Variants in KAZN observed in about 807,000 individuals in gnomAD.
The protein encoded by KAZN is kazrin.
A neutral mutation model predicts 87.4 loss-of-function variants in KAZN; 40 were observed. That is an observed-to-expected ratio of 0.46 (90% CI 0.36 to 0.60). The LOEUF (loss-of-function observed/expected upper bound fraction) is 0.60. KAZN is among the 20% of genes least tolerant of loss of function. The pLI, the probability that KAZN is intolerant of heterozygous loss-of-function variation, is 0.00. For synonymous variants in KAZN, 466 were observed against 458.3 expected (o/e 1.02, Z -0.22); for missense variants, 898 against 1,073.9 (o/e 0.84, Z 2.29).
chr1:14,694,095 T>C lies in KAZN; in HGVS notation c.226+94872T>C, dbSNP rs371496527. 7.9e-5 allele frequency among the ~76,000 whole-genome samples: 12 copies of C among 152,338 alleles called. No homozygotes were observed. In the East Asian group the frequency reaches 1.4e-3, roughly 17 times the overall value. On this transcript the variant is annotated intron_variant, in intron 1 of 14. Transcript: ENST00000376030. ...CAATCCTGTTAAGCTGTGGGGCCGTTGTTTATCGGACTCCCTCCAAAAGCA... is the reference window on the plus strand; with the variant it reads ...CAATCCTGTTAAGCTGTGGGGCCGTCGTTTATCGGACTCCCTCCAAAAGCA...
intron 1 of KAZN, among the ~76,000 whole-genome samples, chr1:13,945,457 G>A (rs1330830095): frequency 7.6e-6 from 1 of 132,390 alleles, no homozygotes; most frequent in Non-Finnish European, 1.5e-5. Context: ...CTGGGCAACA[G>A]AGGGAGAGTC....
intron 2 of KAZN, among the ~76,000 whole-genome samples, chr1:14,970,602 C>G (rs1025266992): frequency 6.6e-6 from 1 of 152,238 alleles, no homozygotes; most frequent in Non-Finnish European, 1.5e-5. Flanking sequence ...GCACAGGCAG[C>G]CAGGACGGCG....
intron 2 of KAZN, among the ~76,000 whole-genome samples, chr1:14,382,979 T>C (rs931498283): frequency 6.7e-6 from 1 of 149,998 alleles, no homozygotes; most frequent in Non-Finnish European, 1.5e-5. Flanking sequence ...CTCCAGCACC[T>C]GTTGTTTCCT....
intron 1 of KAZN, among the ~76,000 whole-genome samples, chr1:14,044,547 A>C (rs1331953200): frequency 6.6e-6 from 1 of 152,198 alleles, no homozygotes; most frequent in East Asian, 1.9e-4. Flanking sequence ...GCTAAGAAGA[A>C]TGACTAGCAT....
intron 2 of KAZN, among the ~76,000 whole-genome samples, chr1:14,349,607 CTTTG>C (rs1214701245): frequency 6.6e-6 from 1 of 152,120 alleles, no homozygotes; most frequent in Non-Finnish European, 1.5e-5. Context: ...ACTGAGCCCA[CTTTG>C]TTTGTTAATT....
At chr1:14,534,600 GCAC>G (rs1672384200) in intron 2 of KAZN, among the ~76,000 whole-genome samples, 1 of 151,982 alleles carries the variant, frequency 6.6e-6, no homozygotes, top group African/African-American at 2.4e-5. Context: ...AGCCGAGATC[GCAC>G]CACTGCACTC....
At chr1:14,336,990 C>G (rs908891006) in intron 2 of KAZN, among the ~76,000 whole-genome samples, 6 of 152,146 alleles carry the variant, frequency 3.9e-5, no homozygotes, top group African/African-American at 1.2e-4. Flanking sequence ...TCTGGACAGA[C>G]TACAAATACT....
rs78872350 is a variant in KAZN, at chr1:14,974,934, A to C, written c.418+14059A>C. Reference sequence around the variant, plus strand: ...AAATATGTACAGTTCATTGTATTTTATTTAAAACCAATAAAGCTGTTTTTA... The same window carrying C: ...AAATATGTACAGTTCATTGTATTTTCTTTAAAACCAATAAAGCTGTTTTTA... On this transcript the variant is annotated intron_variant, in intron 2 of 14. Transcript: ENST00000376030. 4.3e-3 allele frequency among the ~76,000 whole-genome samples: 658 copies of C among 152,344 alleles called. 2 individuals are homozygous for C. Among genetic ancestry groups the C allele is most frequent in the African/African-American group, 0.015 (633 of 41,568 alleles).
At chr1:13,916,937 G>GCTC (rs1173142787) in intron 1 of KAZN, among the ~76,000 whole-genome samples, 2 of 152,190 alleles carry the variant, frequency 1.3e-5, no homozygotes, top group African/African-American at 4.8e-5. Flanking sequence ...TACACATGTG[G>GCTC]AGGAGGCTGG....
intron 8 of KAZN, among the ~76,000 whole-genome samples, chr1:15,080,163 T>C (rs926717490): frequency 2.6e-5 from 4 of 152,062 alleles, no homozygotes; most frequent in African/African-American, 9.7e-5. Flanking sequence ...GGGTGGCTGG[T>C]CATGGGAAAA....
At chr1:14,651,602 G>T (rs1638380016) in intron 1 of KAZN, among the ~76,000 whole-genome samples, 1 of 152,178 alleles carries the variant, frequency 6.6e-6, no homozygotes. Flanking sequence ...CAAAACCATT[G>T]ACTCAGTCTT....
chr1:13,914,401 G>C (rs551519247), intron 1 of KAZN, among the ~76,000 whole-genome samples: 1 of 152,350 alleles, frequency 6.6e-6, no homozygotes, highest in Admixed American at 6.5e-5. Context: ...GCACAGAACA[G>C]TACCTGGCTC....
chr1:14,457,409 AT>A (rs1356899540), intron 2 of KAZN, among the ~76,000 whole-genome samples: 1 of 152,180 alleles, frequency 6.6e-6, no homozygotes, highest in Non-Finnish European at 1.5e-5. Context: ...GTACATCTAT[AT>A]TCTATATGTA....
chr1:14,684,179 C>T (rs1436442281), intron 1 of KAZN, among the ~76,000 whole-genome samples: 1 of 152,064 alleles, frequency 6.6e-6, no homozygotes, highest in African/African-American at 2.4e-5. Context: ...TTTTGTTGAG[C>T]CTTTTCATGG....
chr1:15,103,231 C>A, intron 11 of KAZN, 128 bp from the exon 12 acceptor site: 2 of 674,208 alleles, frequency 3.0e-6, no homozygotes, highest in Non-Finnish European at 5.2e-6. Flanking sequence ...AGCACCACTG[C>A]ACTCATGCCT....
intron 10 of KAZN, among the ~76,000 whole-genome samples, chr1:15,100,990 G>T (rs1641034991): frequency 6.6e-6 from 1 of 152,160 alleles, no homozygotes; most frequent in Non-Finnish European, 1.5e-5. Flanking sequence ...AAATGAGGGG[G>T]GCTTAGGTGG....
chr1:14,110,585 T>TCCAAGAAGTGATG (rs1345748936), intron 1 of KAZN, among the ~76,000 whole-genome samples: 1 of 137,136 alleles, frequency 7.3e-6, no homozygotes, highest in African/African-American at 2.8e-5. Context: ...GAGGTTTTAT[T>TCCAAGAAGTGATG]TGCATGACTT....
intron 1 of KAZN, among the ~76,000 whole-genome samples, chr1:14,796,365 T>C (rs1645827753): frequency 6.6e-6 from 1 of 152,178 alleles, no homozygotes; most frequent in African/African-American, 2.4e-5. Context: ...CCACGTGTCA[T>C]GTCCCCATCC....
intron 2 of KAZN, among the ~76,000 whole-genome samples, chr1:14,232,227 A>G (rs562871145): frequency 6.6e-6 from 1 of 152,244 alleles, no homozygotes; most frequent in African/African-American, 2.4e-5. Context: ...AAAGAAACAA[A>G]GTTTTAGGTA....
Sources: gnomAD v4.1 joint callset for allele counts (sites outside exome capture counted in the v4.1 genomes callset) on GRCh38, gnomAD v4.1.1 for gene constraint, MANE v1.5 for transcripts, NCBI Gene and HGNC (gene_info 2026-07-23, HGNC 2026-07-21) for gene names.